The following PTK7 variants were observed in gnomAD, a reference collection of about 807,000 sequenced individuals.
The protein encoded by PTK7 is inactive tyrosine-protein kinase 7.
A neutral mutation model predicts 116.6 loss-of-function variants in PTK7; 39 were observed. The observed-to-expected ratio is 0.33, with a 90% CI of 0.26 to 0.44. The LOEUF is 0.44. Among genes scored for constraint, PTK7 ranks in the 20% least tolerant of loss-of-function variants. PTK7 has a pLI of 1.00. For missense variants in PTK7, 1,169 were observed against 1,425.6 expected (o/e 0.82, Z 2.90); for synonymous variants, 546 against 563.6 (o/e 0.97, Z 0.44).
rs1343161103 is a variant in PTK7 at position 43,143,525 on chromosome 6, T to C, written c.2156T>C (p.Val719Ala). The change falls in exon 14 of 20, where the codon GTG (valine) becomes GCG (alanine). Residue 719 changes from valine to alanine, a missense_variant. By Grantham distance (64) the Val-to-Ala change is moderately conservative. This residue lies in a region of PTK7 where 678 missense variants were observed against 853.8 expected (regional missense o/e 0.79). Transcript: ENST00000230419. This position sits in a 1 kb window ranked among gnomAD's most constrained non-coding sequence, Gnocchi z 4.2. The stretch of plus-strand genomic sequence containing the variant: ...GCCGCTGTGGCCTACATCATTGCCG[T>C]GCTGGGCCTCATGTTCTACTGCAAG... ...VGAAVAYIIA[V>A]LGLMFYCKKR... 2 of 1,614,124 alleles carry C rather than the reference T, an allele frequency of 1.2e-6. No homozygotes were observed. Among genetic ancestry groups the C allele is most frequent in the South Asian group, 2.2e-5 (2 of 91,088 alleles).
chr6:43,145,756 T>G lies in PTK7; in HGVS notation c.2640+324T>G, dbSNP rs1356070690. ...CTTCTCTGACTCTTGTTTTCTTTGGTTTGTTATTTTTTCCTCCCCAAAAGC... is the reference window on the plus strand; with the variant it reads ...CTTCTCTGACTCTTGTTTTCTTTGGGTTGTTATTTTTTCCTCCCCAAAAGC... On this transcript the variant is annotated intron_variant, in intron 16 of 19. Coordinates refer to ENST00000230419, the MANE Select transcript of PTK7 (RefSeq NM_002821.5). This position sits in a 1 kb window ranked among gnomAD's most constrained non-coding sequence, Gnocchi z 4.8. 2 of 182,224 alleles carry G rather than the reference T, an allele frequency of 1.1e-5. No homozygotes were observed. The highest frequency in any genetic ancestry group is 4.7e-5 in the African/African-American group (2 of 42,556). 11.3% of individuals were successfully genotyped at this position (182,224 alleles called of 1,614,324 possible). A position where few individuals can be genotyped will look rare whatever the true frequency, so the allele number is the denominator to read the frequency against.
Position 43,130,373 on chromosome 6 carries a change from CT to C in PTK7, c.618del (p.Phe206LeufsTer12). The stretch of plus-strand genomic sequence containing the variant: ...CTGTATTCCTGCTGCGCCCACAGTG[CT>C]TTTGGCCAGGCTTGCAGCAGCCAGA... ...SGLYSCCAHSAFGQACSSQNF... is the reference protein window; with the variant it reads ...SGLYSCCAHSXFGQACSSQNF... On this transcript the variant is annotated frameshift_variant, in exon 4 of 20. Transcript: ENST00000230419. LOFTEE classifies it high-confidence loss of function. The C allele has an allele frequency of 6.2e-7, 1 of 1,610,742 alleles. No individual in the cohort carries two copies. The highest frequency in any genetic ancestry group is 8.5e-7 in the Non-Finnish European group (1 of 1,177,882).
At chr6:43,086,072 T>C (rs1364871031) in intron 1 of PTK7, among the ~76,000 whole-genome samples, 2 of 152,154 alleles carry the variant, frequency 1.3e-5, no homozygotes, top group Non-Finnish European at 2.9e-5. Flanking sequence ...TCTCCCTCTC[T>C]CTTTGTCTCA....
At chr6:43,119,082 A>G (rs915184311) in intron 1 of PTK7, among the ~76,000 whole-genome samples, 2 of 152,028 alleles carry the variant, frequency 1.3e-5, no homozygotes, top group African/African-American at 4.8e-5. Flanking sequence ...CTTAGAAGCC[A>G]GAGAAGATTT....
chr6:43,149,609 T>G (rs1401188790), intron 17 of PTK7, among the ~76,000 whole-genome samples: 1 of 152,144 alleles, frequency 6.6e-6, no homozygotes, highest in Non-Finnish European at 1.5e-5. Context: ...TCCCAGCTAC[T>G]TGGAAGGCTG....
chr6:43,108,488 C>T (rs181992326), intron 1 of PTK7, among the ~76,000 whole-genome samples: 164 of 151,804 alleles, frequency 1.1e-3, no homozygotes, highest in African/African-American at 3.9e-3. Flanking sequence ...CAGCCTCCAC[C>T]TCCTGGGTTC....
intron 1 of PTK7, among the ~76,000 whole-genome samples, chr6:43,101,827 A>G (rs1767599195): frequency 6.6e-6 from 1 of 152,224 alleles, no homozygotes; most frequent in Non-Finnish European, 1.5e-5. Context: ...ATAAACGGTA[A>G]TGTGCCATAA....
intron 1 of PTK7, among the ~76,000 whole-genome samples, chr6:43,093,470 A>G (rs983677807): frequency 6.6e-6 from 1 of 152,104 alleles, no homozygotes; most frequent in Non-Finnish European, 1.5e-5. Flanking sequence ...TAACAAGACA[A>G]GGATACAGAG....
intron 1 of PTK7, among the ~76,000 whole-genome samples, chr6:43,106,800 C>G (rs1190879957): frequency 6.6e-6 from 1 of 151,158 alleles, no homozygotes; most frequent in Non-Finnish European, 1.5e-5. Context: ...ATTTTTAGTA[C>G]AGACGGGGTT....
chr6:43,113,716 G>C (rs1273228048), intron 1 of PTK7, among the ~76,000 whole-genome samples: 1 of 152,184 alleles, frequency 6.6e-6, no homozygotes, highest in African/African-American at 2.4e-5. Flanking sequence ...TTGCTCTGCT[G>C]TTGTCTCACT....
At chr6:43,084,074 T>A (rs1296847247) in intron 1 of PTK7, among the ~76,000 whole-genome samples, 1 of 152,234 alleles carries the variant, frequency 6.6e-6, no homozygotes, top group African/African-American at 2.4e-5. Context: ...TGTTGCTGTT[T>A]TTGAATAGCT....
In PTK7 at chr6:43,139,227, C is replaced by G. The variant is rs754299400; in HGVS notation, c.1454C>G (p.Thr485Ser). 26 of 1,614,114 alleles carry G rather than the reference C, an allele frequency of 1.6e-5. No individual in the cohort carries two copies. Among genetic ancestry groups the G allele is most frequent in the Admixed American group, 6.7e-5 (4 of 60,008 alleles). Residue 485 changes from threonine (T) to serine (S), a missense_variant, in exon 9 of 20, where the codon ACC becomes AGC. Thr to Ser is a moderately conservative substitution (Grantham distance 58, BLOSUM62 1). Coordinates refer to ENST00000230419, the MANE Select transcript of PTK7 (RefSeq NM_002821.5). The surrounding 1 kb of genome is among the most constrained non-coding windows in gnomAD (Gnocchi z 4.6). ...ACATGGTACCGTTGTATGAGCAGCA[C>G]CCCAGCCGGCAGCATCGAGGCGCAA... ...DGTWYRCMSS[T>S]PAGSIEAQAR... is the part of the protein sequence containing the mutation.
rs201704273 is a variant in PTK7, at chr6:43,146,579, G to C, written c.2641-39G>C. 3.5e-3 allele frequency: 5,547 copies of C among 1,582,938 alleles called. 18 individuals carry two copies. The highest frequency in any genetic ancestry group is 3.9e-3 in the Non-Finnish European group (4,529 of 1,153,308). ...GTCTGAGGCTTTACAGCCAATGGCTGTGCACTGACCTGAGCGAGATGCCTG... is the reference window on the plus strand; with the variant it reads ...GTCTGAGGCTTTACAGCCAATGGCTCTGCACTGACCTGAGCGAGATGCCTG... On this transcript the variant is annotated intron_variant, in intron 16 of 19. Coordinates refer to ENST00000230419, the MANE Select transcript of PTK7 (RefSeq NM_002821.5).
intron 1 of PTK7, among the ~76,000 whole-genome samples, chr6:43,093,533 T>C (rs1429367642): frequency 6.6e-6 from 1 of 151,992 alleles, no homozygotes; most frequent in Non-Finnish European, 1.5e-5. Context: ...GATGGAGACC[T>C]GGGTCAGGCA....
chr6:43,155,127 C>G (rs1231834867), intron 17 of PTK7, among the ~76,000 whole-genome samples: 1 of 152,180 alleles, frequency 6.6e-6, no homozygotes, highest in East Asian at 1.9e-4. Context: ...AAGAGCCCTG[C>G]TTTGGCCAGC....
chr6:43,153,537 G>A (rs543172027), intron 17 of PTK7, among the ~76,000 whole-genome samples: 5 of 152,184 alleles, frequency 3.3e-5, no homozygotes, highest in Admixed American at 3.3e-4. Flanking sequence ...AGCCTCCCAA[G>A]TAGCTGAGAC....
At chr6:43,080,647 G>A (rs1248864657) in intron 1 of PTK7, among the ~76,000 whole-genome samples, 1 of 151,982 alleles carries the variant, frequency 6.6e-6, no homozygotes, top group Non-Finnish European at 1.5e-5. Context: ...TGAGGATTAA[G>A]TATAATGAAG....
Position 43,151,539 on chromosome 6 carries a change from T to G in PTK7, c.2721+4841T>G, listed in dbSNP as rs992091800. The stretch of plus-strand genomic sequence containing the variant: ...CGTTTTTTTGTTTGTTTTTTGTTTT[T>G]TTTTTTTTTCGGAGACGGAGTCTCA... On this transcript the variant is annotated intron_variant, in intron 17 of 19. Transcript: ENST00000230419. 1.2e-4 allele frequency among the ~76,000 whole-genome samples: 18 copies of G among 145,700 alleles called. No individual in the cohort carries two copies. In the East Asian group the frequency reaches 2.0e-3, roughly 16 times the overall value.
chr6:43,129,778 TC>T lies in PTK7; in HGVS notation c.421del (p.Gln141SerfsTer45). 1 of 1,614,158 alleles carries T rather than the reference TC, an allele frequency of 6.2e-7. No homozygotes were observed. Among genetic ancestry groups the T allele is most frequent in the Non-Finnish European group, 8.5e-7 (1 of 1,180,028 alleles). On this transcript the variant is annotated frameshift_variant, in exon 3 of 20. Coordinates refer to ENST00000230419, the MANE Select transcript of PTK7 (RefSeq NM_002821.5). LOFTEE classifies it high-confidence loss of function. The surrounding 1 kb of genome is among the most constrained non-coding windows in gnomAD (Gnocchi z 4.5). ...AAGCATCCAGCCTCGGAAGCTGAGA[TC>T]CAGCCACAGACCCAGGTCACACTTC... ...VLKHPASEAE[I>X]QPQTQVTLRC...
Sources: allele counts gnomAD v4.1 joint callset (sites outside exome capture counted in the v4.1 genomes callset), GRCh38; gene constraint gnomAD v4.1.1; regional missense constraint gnomAD v4.1.1; non-coding constraint Gnocchi (gnomAD v3.1); transcripts MANE v1.5; gene names NCBI Gene and HGNC (gene_info 2026-07-23, HGNC 2026-07-21).